MUC5B: variants seen among roughly 807,000 people sequenced by gnomAD.
The protein encoded by MUC5B is mucin-5B.
In MUC5B, 116 loss-of-function variants were observed where a neutral mutation model predicts 376.9. The ratio of observed to expected loss-of-function variants is 0.31; its 90% confidence interval spans 0.26 to 0.36. The LOEUF (loss-of-function observed/expected upper bound fraction) is 0.36. Among genes scored for constraint, MUC5B ranks in the 10% least tolerant of loss-of-function variants. The pLI is 1.00. For synonymous variants in MUC5B, 3,517 were observed against 3,390.9 expected, an observed-to-expected ratio of 1.04 and a Z score of -1.29; for missense variants, 7,165 against 7,769.9, an observed-to-expected ratio of 0.92 and a Z score of 2.93.
rs756417688 is a variant in MUC5B, at chr11:1,246,086, T to A, written c.9206T>A (p.Ile3069Asn). 4.8e-5 allele frequency: 78 copies of A among 1,609,542 alleles called. No homozygotes were observed. Among genetic ancestry groups the A allele is most frequent in the Non-Finnish European group, 6.5e-5 (77 of 1,178,672 alleles). The change falls in exon 31 of 49, where the codon ATC becomes AAC. Residue 3069 changes from isoleucine (I) to asparagine (N), a missense_variant. Coordinates refer to ENST00000529681, the MANE Select transcript of MUC5B (RefSeq NM_002458.3). ...TKSTATSFTP[I>N]PSFTLGTTGT... is the part of the protein sequence containing the mutation. ...TCCACAGCTACCAGCTTTACACCCA[T>A]CCCCTCCTTCACCCTTGGGACCACC...
rs1416790223 is a variant in MUC5B, at chr11:1,246,536, C to A, written c.9656C>A (p.Ala3219Glu). Reference sequence around the variant, plus strand: ...ACTCCCTCCTCCAGTCCAGGGACTGCAACCGCCCTTCCAGCACTGAGAAGC... The same window carrying A: ...ACTCCCTCCTCCAGTCCAGGGACTGAAACCGCCCTTCCAGCACTGAGAAGC... The part of the protein sequence containing the change: ...RATPSSSPGT[A>E]TALPALRSTA... The change falls in exon 31 of 49, where the codon GCA becomes GAA. Residue 3219 changes from alanine (A) to glutamate (E), a missense_variant. Ala to Glu is a moderately radical substitution (Grantham distance 107). This residue lies in a region of MUC5B where 939 missense variants were observed against 770.6 expected (regional missense o/e 1.22). Transcript: ENST00000529681. The A allele has an allele frequency of 1.2e-6, 2 of 1,613,416 alleles. No homozygotes were observed. The highest frequency in any genetic ancestry group is 1.7e-5 in the Admixed American group (1 of 59,974).
Position 1,242,995 on chromosome 11 carries a change from C to T in MUC5B, c.6115C>T (p.Pro2039Ser). ...TGGGGCCACCGGCTCTGTGGCCACC[C>T]CCTCCTCCACCCCAGGAACAGCTCA... is the stretch of plus-strand genomic sequence containing the variant. Reference protein sequence around the residue: ...TTGATGSVATPSSTPGTAHTT... With the variant: ...TTGATGSVATSSSTPGTAHTT... The change falls in exon 31 of 49, where the codon CCC becomes TCC. Residue 2039 changes from proline to serine, a missense_variant. Coordinates refer to ENST00000529681, the MANE Select transcript of MUC5B (RefSeq NM_002458.3). The T allele has an allele frequency of 6.2e-7, 1 of 1,613,256 alleles. No individual in the cohort carries two copies. Among genetic ancestry groups the T allele is most frequent in the Admixed American group, 1.7e-5 (1 of 59,998 alleles).
In MUC5B at chr11:1,261,949, G is replaced by C. The variant is rs569994975; in HGVS notation, c.*341G>C. The C allele has an allele frequency of 3.8e-6, 2 of 529,270 alleles. No individual in the cohort carries two copies. The highest frequency in any genetic ancestry group is 7.3e-6 in the Non-Finnish European group (2 of 273,312). The allele number at this position is 529,270 out of a possible 1,614,324, so 32.8% of individuals were successfully genotyped here. On this transcript the variant is annotated 3_prime_UTR_variant, in exon 49 of 49. Transcript: ENST00000529681. ...CACGGCCGGAGCGCCCGCGCAGCAC[G>C]GATTCCAGCTGGCCACGTCCGGCCG...
rs774760188 is a variant in MUC5B at position 1,249,741 on chromosome 11, C to T, written c.12861C>T (p.Thr4287=). 1 of 1,612,156 alleles carries T rather than the reference C, an allele frequency of 6.2e-7. No individual in the cohort carries two copies. The highest frequency in any genetic ancestry group is 8.5e-7 in the Non-Finnish European group (1 of 1,179,030). ...PPPKVLTSPA[T]TPTATSSKAT... is the part of the protein sequence containing the mutation. ...CCAAAGTGCTGACCAGCCCGGCCACCACACCCACAGCCACCAGTTCCAAAG... is the reference window on the plus strand; with the variant it reads ...CCAAAGTGCTGACCAGCCCGGCCACTACACCCACAGCCACCAGTTCCAAAG... Residue 4287 remains threonine, a synonymous_variant, in exon 31 of 49, where the codon ACC becomes ACT. Coordinates refer to ENST00000529681, the MANE Select transcript of MUC5B (RefSeq NM_002458.3).
Position 1,243,299 on chromosome 11 carries a change from T to A in MUC5B, c.6419T>A (p.Ile2140Asn), listed in dbSNP as rs1232949468. Residue 2140 changes from isoleucine (I) to asparagine (N), a missense_variant, in exon 31 of 49, where the codon ATC (isoleucine) becomes AAC (asparagine). By Grantham distance (149) the Ile-to-Asn change is moderately radical (BLOSUM62 -3). Transcript: ENST00000529681. ...PPSLTTTATT[I>N]TATGSTTNPS... ...TCACTGACCACCACGGCCACTACGATCACGGCCACCGGCTCCACCACCAAC... is the reference window on the plus strand; with the variant it reads ...TCACTGACCACCACGGCCACTACGAACACGGCCACCGGCTCCACCACCAAC... 6.4e-7 allele frequency: 1 copy of A among 1,553,798 alleles called. No individual in the cohort carries two copies. The highest frequency in any genetic ancestry group is 2.0e-5 in the Admixed American group (1 of 50,962).
At chr11:1,256,886 G>A (rs1449534688) in intron 39 of MUC5B, 115 bp downstream of exon 39, 22 of 824,174 alleles carry the variant, frequency 2.7e-5, no homozygotes, top group African/African-American at 5.2e-5. Flanking sequence ...GCTGACCCCC[G>A]TGACCTGTTC....
rs181987147 is a variant in MUC5B at position 1,246,412 on chromosome 11, G to A, written c.9532G>A (p.Gly3178Arg). The change falls in exon 31 of 49, where the codon GGA becomes AGA. Residue 3178 changes from glycine to arginine, a missense_variant. Physicochemically the swap from Gly to Arg is moderately radical, Grantham distance 125 (BLOSUM62 -2). Transcript: ENST00000529681. Reference protein sequence around the residue: ...STTATVTVPTGSTATASSTRA... With the variant: ...STTATVTVPTRSTATASSTRA... ...TACAGCCACCGTGACGGTGCCCACC[G>A]GATCCACGGCCACCGCCTCCTCCAC... The A allele has an allele frequency of 0.026, 41,515 of 1,594,766 alleles. 33 individuals are homozygous for A. The highest frequency in any genetic ancestry group is 0.031 in the African/African-American group (2,277 of 74,556).
At position 1,257,977 on chromosome 11, in the gene MUC5B, C is replaced by A; in HGVS notation, c.16451-122C>A. ...GGCCAAGCAAGGGGCCTGGAGGGAG[C>A]CCCCAGGGGCTGTGAAGCGGTCAGG... On this transcript the variant is annotated intron_variant, in intron 41 of 48. Transcript: ENST00000529681. This position sits in a 1 kb window ranked among gnomAD's most constrained non-coding sequence, Gnocchi z 8.9. The A allele has an allele frequency of 9.5e-7, 1 of 1,056,862 alleles. No individual in the cohort carries two copies. The highest frequency in any genetic ancestry group is 1.4e-6 in the Non-Finnish European group (1 of 725,572). 65.5% of individuals were successfully genotyped at this position (1,056,862 alleles called of 1,614,324 possible). A position where few individuals can be genotyped will look rare whatever the true frequency, so the allele number is the denominator to read the frequency against.
In MUC5B at chr11:1,242,571, C is replaced by A. The variant is rs753191737; in HGVS notation, c.5691C>A (p.Pro1897=). The A allele has an allele frequency of 6.2e-7, 1 of 1,613,716 alleles. No homozygotes were observed. The highest frequency in any genetic ancestry group is 1.1e-5 in the South Asian group (1 of 91,076). The change falls in exon 31 of 49, where the codon CCC becomes CCA. Residue 1897 remains proline (P), a synonymous_variant. Coordinates refer to ENST00000529681, the MANE Select transcript of MUC5B (RefSeq NM_002458.3). ...CAGCCACCAGCTCCACGGCCACGCC[C>A]TCCTCAACTCCGGGGACGACCTGGA... ...STPATSSTAT[P]SSTPGTTWIL... is the part of the protein sequence containing the mutation.
Position 1,254,744 on chromosome 11 carries a change from G to A in MUC5B, c.15528G>A (p.Val5176=). The A allele has an allele frequency of 2.5e-6, 4 of 1,612,906 alleles. No individual in the cohort carries two copies. Among genetic ancestry groups the A allele is most frequent in the Non-Finnish European group, 3.4e-6 (4 of 1,179,760 alleles). Residue 5176 remains valine, a synonymous_variant, in exon 35 of 49, where the codon GTG becomes GTA. Transcript: ENST00000529681. The part of the protein sequence containing the change: ...PVSSGFSKNG[V]LVSVLGTTTM... ...GCAGCGGTTTCAGCAAGAACGGCGT[G>A]CTTGTGTCTGTGCTGGGGACCACCA... is the stretch of plus-strand genomic sequence containing the variant.
At chr11:1,259,163 C>G in intron 44 of MUC5B, 102 bp downstream of exon 44, 1 of 1,278,116 alleles carries the variant, frequency 7.8e-7, no homozygotes, top group African/African-American at 1.5e-5. Flanking sequence ...TCACCCGCCC[C>G]CAGGTGAGCC....
At position 1,244,196 on chromosome 11, in the gene MUC5B, T is replaced by G. The variant is rs2943498; in HGVS notation, c.7316T>G (p.Leu2439Arg). 3.3e-5 allele frequency: 53 copies of G among 1,612,122 alleles called. No individual in the cohort carries two copies. Among genetic ancestry groups the G allele is most frequent in the Non-Finnish European group, 4.3e-5 (51 of 1,178,908 alleles). The change falls in exon 31 of 49, where the codon CTG becomes CGG. Residue 2439 changes from leucine to arginine, a missense_variant. Transcript: ENST00000529681. ...TPGTTWILTE[L>R]TTTATTTEST... ...GGGACGACCTGGATCCTCACAGAGC[T>G]GACCACAACAGCCACTACGACTGAG...
In MUC5B at chr11:1,228,567, G is replaced by A. The variant is rs1590168521; in HGVS notation, c.778G>A (p.Gly260Ser). The stretch of plus-strand genomic sequence containing the variant: ...CCTGGCCCACTGTGCTCCCCAGGAG[G>A]GCATCTGCCACCGCACCCTGCTGGG... ...LPAGNCTDEE[G>S]ICHRTLLGPA... is the part of the protein sequence containing the mutation. Residue 260 changes from glycine (G) to serine (S), a missense_variant, in exon 8 of 49, where the codon GGC becomes AGC. Coordinates refer to ENST00000529681, the MANE Select transcript of MUC5B (RefSeq NM_002458.3). 2.0e-6 allele frequency: 3 copies of A among 1,522,320 alleles called. No homozygotes were observed. The highest frequency in any genetic ancestry group is 2.6e-6 in the Non-Finnish European group (3 of 1,137,820). The allele number at this position is 1,522,320 out of a possible 1,614,324, so 94.3% of individuals were successfully genotyped here.
Position 1,242,537 on chromosome 11 carries a change from C to G in MUC5B, c.5657C>G (p.Pro1886Arg). 6.2e-7 allele frequency: 1 copy of G among 1,613,808 alleles called. No individual in the cohort carries two copies. The highest frequency in any genetic ancestry group is 1.1e-5 in the South Asian group (1 of 91,086). ...TGCTGTGACGACTACAGCCACTGCC[C>G]CAGTACCCCAGCCACCAGCTCCACG... The part of the protein sequence containing the change: ...VLCCDDYSHC[P>R]STPATSSTAT... The change falls in exon 31 of 49, where the codon CCC becomes CGC. Residue 1886 changes from proline to arginine, a missense_variant. Transcript: ENST00000529681.
At position 1,233,777 on chromosome 11, in the gene MUC5B, CGTCT is replaced by C. The variant is rs1564934366; in HGVS notation, c.2322-11_2322-8del. On this transcript the variant is annotated splice_polypyrimidine_tract_variant and intron_variant, in intron 18 of 48. Coordinates refer to ENST00000529681, the MANE Select transcript of MUC5B (RefSeq NM_002458.3). ...TGAGGGCCGCAGATCCAGGCTGTGCCGTCTGTCTCTTGTAGTTCATGTACGGGTG... is the reference window on the plus strand; with the variant it reads ...TGAGGGCCGCAGATCCAGGCTGTGCCGTCTCTTGTAGTTCATGTACGGGTG... The C allele has an allele frequency of 6.3e-7, 1 of 1,599,384 alleles. No individual in the cohort carries two copies. Among genetic ancestry groups the C allele is most frequent in the South Asian group, 1.1e-5 (1 of 88,832 alleles).
chr11:1,232,208 C>G, intron 15 of MUC5B, 48 bp downstream of exon 15: 1 of 1,527,790 alleles, frequency 6.5e-7, no homozygotes, highest in Non-Finnish European at 8.8e-7. Flanking sequence ...CAAGTCCCAC[C>G]CAGCACCTTC....
rs1862890602 is a variant in MUC5B, at chr11:1,258,028, C to T, written c.16451-71C>T. On this transcript the variant is annotated intron_variant, in intron 41 of 48. Transcript: ENST00000529681. The surrounding 1 kb of genome is among the most constrained non-coding windows in gnomAD (Gnocchi z 5.5). ...TCCTCGGGGAAAAGCACGCCTGCGA[C>T]TTACTCTGGGAACAAGTGGTCGGGA... 3.0e-5 allele frequency: 43 copies of T among 1,438,140 alleles called. No individual in the cohort carries two copies. In the South Asian group the frequency reaches 5.0e-4, roughly 17 times the overall value. 89.1% of individuals were successfully genotyped at this position (1,438,140 alleles called of 1,614,324 possible). A position where few individuals can be genotyped will look rare whatever the true frequency, so the allele number is the denominator to read the frequency against.
Position 1,234,578 on chromosome 11 carries a change from C to T in MUC5B, c.2528C>T (p.Ser843Leu), listed in dbSNP as rs757762868. ...TGTGTCTGTCCCCCGGGGCTGGTGT[C>T]GGATGGGAGTGGGGGCTGCATTGCC... ...SGCVCPPGLV[S>L]DGSGGCIAEE... Residue 843 changes from serine to leucine, a missense_variant, in exon 21 of 49, where the codon TCG becomes TTG. Transcript: ENST00000529681. This position sits in a 1 kb window ranked among gnomAD's most constrained non-coding sequence, Gnocchi z 6.3. 51 of 1,578,894 alleles carry T rather than the reference C, an allele frequency of 3.2e-5. No homozygotes were observed. The highest frequency in any genetic ancestry group is 2.4e-4 in the Admixed American group (13 of 55,210).
chr11:1,252,683 TG>T, intron 32 of MUC5B, 125 bp from the exon 33 acceptor site: 3 of 1,404,630 alleles, frequency 2.1e-6, no homozygotes, highest in Non-Finnish European at 2.9e-6. Flanking sequence ...CAGGCTAGCA[TG>T]GGGGCCGCCC....
Sources: allele counts gnomAD v4.1 joint callset, GRCh38; gene constraint gnomAD v4.1.1; regional missense constraint gnomAD v4.1.1; non-coding constraint Gnocchi (gnomAD v3.1); transcripts MANE v1.5; gene names NCBI Gene and HGNC (gene_info 2026-07-23, HGNC 2026-07-21).